MAD1L1: variants seen among roughly 807,000 people sequenced by gnomAD.
MAD1L1 encodes the protein mitotic arrest deficient 1 like 1.
Under a neutral mutation model 96.9 loss-of-function variants are expected in MAD1L1, and 95 were observed. The ratio of observed to expected loss-of-function variants is 0.98; its 90% confidence interval spans 0.83 to 1.16. The LOEUF is 1.16. Among genes scored for constraint, MAD1L1 ranks in the 50% most tolerant of loss-of-function variants. The pLI, the probability that MAD1L1 is intolerant of heterozygous loss-of-function variation, is 0.00. For missense variants in MAD1L1, 1,007 were observed against 954.4 expected, an observed-to-expected ratio of 1.06 and a Z score of -0.73; for synonymous variants, 473 against 396.6, an observed-to-expected ratio of 1.19 and a Z score of -2.29.
chr7:1,822,009 G>A (rs1209467173), intron 18 of MAD1L1, among the ~76,000 whole-genome samples: 2 of 152,098 alleles, frequency 1.3e-5, no homozygotes, highest in Non-Finnish European at 1.5e-5. Context: ...GACGGCACAC[G>A]TGGAAAACCC....
At chr7:2,226,683 C>G (rs974874686) in intron 3 of MAD1L1, among the ~76,000 whole-genome samples, 2 of 152,212 alleles carry the variant, frequency 1.3e-5, no homozygotes, top group African/African-American at 4.8e-5. Context: ...CACCCCAGAC[C>G]TACTCAGTCA....
intron 16 of MAD1L1, among the ~76,000 whole-genome samples, chr7:1,945,186 C>T (rs1232398610): frequency 6.6e-6 from 1 of 152,242 alleles, no homozygotes; most frequent in Non-Finnish European, 1.5e-5. Flanking sequence ...AGGGTGACTG[C>T]TGTTGCCAGC....
intron 18 of MAD1L1, among the ~76,000 whole-genome samples, chr7:1,880,607 C>T (rs771684352): frequency 1.8e-4 from 28 of 152,316 alleles, no homozygotes; most frequent in Admixed American, 3.3e-4. Context: ...CTTGAACCTG[C>T]GTGCGTCCCA....
chr7:1,832,641 G>T (rs796200252), intron 18 of MAD1L1, among the ~76,000 whole-genome samples: 2 of 58,382 alleles, frequency 3.4e-5, no homozygotes, highest in African/African-American at 6.0e-5. Flanking sequence ...GGCGGGGGGG[G>T]GGGGGGTGGG....
chr7:2,124,502 G>T (rs948180160), intron 11 of MAD1L1, among the ~76,000 whole-genome samples: 1 of 152,210 alleles, frequency 6.6e-6, no homozygotes, highest in Non-Finnish European at 1.5e-5. Flanking sequence ...CACAGCCTGA[G>T]GGGACAGCCG....
chr7:2,060,463 T>C (rs770432606), intron 12 of MAD1L1, among the ~76,000 whole-genome samples: 1 of 151,798 alleles, frequency 6.6e-6, no homozygotes, highest in Non-Finnish European at 1.5e-5. Flanking sequence ...GAGATAACGC[T>C]GATGTCGAGA....
intron 11 of MAD1L1, among the ~76,000 whole-genome samples, chr7:2,073,715 G>A (rs1428474057): frequency 5.3e-5 from 8 of 152,228 alleles, no homozygotes; most frequent in African/African-American, 1.9e-4. Flanking sequence ...AGGGTAGACA[G>A]AGGCATAGGG....
At chr7:1,979,155 A>G (rs1780779521) in intron 15 of MAD1L1, among the ~76,000 whole-genome samples, 1 of 152,196 alleles carries the variant, frequency 6.6e-6, no homozygotes. Context: ...TGACGGACGA[A>G]GCAGAGGCTG....
chr7:2,216,492 G>A (rs1373055667), intron 7 of MAD1L1, among the ~76,000 whole-genome samples: 1 of 152,206 alleles, frequency 6.6e-6, no homozygotes, highest in East Asian at 1.9e-4. Flanking sequence ...GGAGCAGAGA[G>A]GATTTTTAGG....
intron 10 of MAD1L1, among the ~76,000 whole-genome samples, chr7:2,172,262 T>G (rs771173785): frequency 1.3e-5 from 2 of 152,060 alleles, no homozygotes; most frequent in Non-Finnish European, 2.9e-5. Flanking sequence ...ACCACGACCC[T>G]TCCCATTCAA....
intron 12 of MAD1L1, among the ~76,000 whole-genome samples, chr7:2,059,821 G>A (rs1266816763): frequency 1.3e-5 from 2 of 152,124 alleles, no homozygotes; most frequent in African/African-American, 4.8e-5. Flanking sequence ...CAATGTGCAG[G>A]ACCCAATGGT....
intron 18 of MAD1L1, among the ~76,000 whole-genome samples, chr7:1,841,136 G>A (rs1270703813): frequency 2.6e-5 from 4 of 152,200 alleles, no homozygotes; most frequent in African/African-American, 7.2e-5. Context: ...AGCACGTCCC[G>A]ATAACCTGGC....
chr7:2,071,292 C>T lies in MAD1L1; in HGVS notation c.1074-1954G>A, dbSNP rs187817843. 5.8e-3 allele frequency among the ~76,000 whole-genome samples: 884 copies of T among 152,306 alleles called. 9 individuals carry two copies. The highest frequency in any genetic ancestry group is 0.019 in the African/African-American group (798 of 41,560). On this transcript the variant is annotated intron_variant, in intron 11 of 18. Coordinates refer to ENST00000265854, the MANE Select transcript of MAD1L1 (RefSeq NM_001013836.2). ...CAGAACGTCAGAAGGGACTTGGTGG[C>T]GGTCCTGACCCAGCCAAGCATGGCG... is the stretch of plus-strand genomic sequence containing the variant.
intron 17 of MAD1L1, among the ~76,000 whole-genome samples, chr7:1,899,665 T>C (rs1463150189): frequency 6.6e-6 from 1 of 151,914 alleles, no homozygotes; most frequent in Non-Finnish European, 1.5e-5. Flanking sequence ...CCAGAAAGGG[T>C]GTGGGGTCCC....
At chr7:2,213,294 C>T (rs1395754393) in intron 9 of MAD1L1, 21 bp from the exon 10 acceptor site, 1 of 1,611,258 alleles carries the variant, frequency 6.2e-7, no homozygotes, top group African/African-American at 1.3e-5. Context: ...AACAAAAGCA[C>T]AGACCCTGTC....
chr7:2,075,086 G>A (rs951085306), intron 11 of MAD1L1, among the ~76,000 whole-genome samples: 3 of 152,200 alleles, frequency 2.0e-5, no homozygotes, highest in African/African-American at 4.8e-5. Flanking sequence ...AGGCTGGCAT[G>A]TGTCCATGAG....
chr7:1,919,456 T>G (rs1055794441), intron 17 of MAD1L1, among the ~76,000 whole-genome samples: 6 of 152,242 alleles, frequency 3.9e-5, no homozygotes, highest in Admixed American at 1.3e-4. Context: ...CCTGCCGTCC[T>G]CGCTGGGGAC....
intron 15 of MAD1L1, among the ~76,000 whole-genome samples, chr7:1,978,255 C>T (rs1780736786): frequency 6.6e-6 from 1 of 152,234 alleles, no homozygotes; most frequent in East Asian, 1.9e-4. Flanking sequence ...TTCCTTCTGT[C>T]TCACTACACA....
chr7:1,880,559 A>T (rs1785627573), intron 18 of MAD1L1, among the ~76,000 whole-genome samples: 1 of 152,228 alleles, frequency 6.6e-6, no homozygotes, highest in Non-Finnish European at 1.5e-5. Context: ...GACTTCCTGC[A>T]GTCACAGTGG....
Sources: allele counts gnomAD v4.1 joint callset (sites outside exome capture counted in the v4.1 genomes callset), GRCh38; gene constraint gnomAD v4.1.1; transcripts MANE v1.5; gene names NCBI Gene and HGNC (gene_info 2026-07-23, HGNC 2026-07-21).